Variants in PDS5B observed in about 807,000 individuals in gnomAD.
PDS5B encodes the protein PDS5 cohesin associated factor B.
Under a neutral mutation model 184.1 loss-of-function variants are expected in PDS5B, and 51 were observed. The observed-to-expected ratio is 0.28, with a 90% CI of 0.22 to 0.35. The LOEUF (loss-of-function observed/expected upper bound fraction) is 0.35, where lower values mean the gene tolerates loss of function less well. Among genes scored for constraint, PDS5B ranks in the 10% least tolerant of loss-of-function variants. PDS5B has a pLI of 1.00. For synonymous variants in PDS5B, 566 were observed against 569.2 expected, an observed-to-expected ratio of 0.99 and a Z score of 0.08; for missense variants, 1,180 against 1,723.3, an observed-to-expected ratio of 0.68 and a Z score of 5.58.
intron 10 of PDS5B, among the ~76,000 whole-genome samples, chr13:32,679,909 G>C (rs10467357): frequency 5.0e-4 from 75 of 149,502 alleles, no homozygotes; most frequent in Non-Finnish European, 6.8e-4. Flanking sequence ...GTGTGTGTGT[G>C]TGTGTGTCTG....
intron 23 of PDS5B, among the ~76,000 whole-genome samples, chr13:32,744,295 G>A (rs1402439053): frequency 3.9e-5 from 6 of 152,132 alleles, no homozygotes; most frequent in Non-Finnish European, 7.4e-5. Context: ...TGTCACTTAT[G>A]CTGTGTTTTG....
chr13:32,646,369 G>GGTTTTTT (rs1950226195), intron 1 of PDS5B, among the ~76,000 whole-genome samples: 2 of 106,070 alleles, frequency 1.9e-5, no homozygotes, highest in African/African-American at 7.8e-5. Context: ...TCATGGCTGT[G>GGTTTTTT]TTTTTTTTTT....
At chr13:32,695,058 G>C (rs549802818) in intron 14 of PDS5B, among the ~76,000 whole-genome samples, 16 of 151,854 alleles carry the variant, frequency 1.1e-4, no homozygotes, top group African/African-American at 3.6e-4. Flanking sequence ...CATCTAAGGG[G>C]TGAAAACTTT....
intron 6 of PDS5B, among the ~76,000 whole-genome samples, chr13:32,663,310 C>A (rs1289688713): frequency 6.6e-6 from 1 of 150,682 alleles, no homozygotes; most frequent in Non-Finnish European, 1.5e-5. Flanking sequence ...CCTAGGGAAA[C>A]CAGGTGCAAA....
At chr13:32,716,431 C>T (rs1952416130) in intron 19 of PDS5B, among the ~76,000 whole-genome samples, 1 of 151,416 alleles carries the variant, frequency 6.6e-6, no homozygotes, top group Non-Finnish European at 1.5e-5. Context: ...CTGGCAACCG[C>T]CCCATCTGAG....
intron 14 of PDS5B, among the ~76,000 whole-genome samples, chr13:32,695,422 C>G (rs1951672933): frequency 6.6e-6 from 1 of 151,888 alleles, no homozygotes; most frequent in Non-Finnish European, 1.5e-5. Flanking sequence ...AGCCAATAAG[C>G]ATGTTTCAGT....
At chr13:32,735,988 A>C (rs1445057961) in intron 21 of PDS5B, among the ~76,000 whole-genome samples, 1 of 151,950 alleles carries the variant, frequency 6.6e-6, no homozygotes. Flanking sequence ...TCATTTTACC[A>C]GTCTGTTTTA....
At chr13:32,748,636 A>G (rs530917246) in intron 24 of PDS5B, among the ~76,000 whole-genome samples, 1 of 152,164 alleles carries the variant, frequency 6.6e-6, no homozygotes, top group Admixed American at 6.5e-5. Context: ...CAGAAATTTT[A>G]TACTTTTATG....
intron 20 of PDS5B, 130 bp downstream of exon 20, chr13:32,732,354 A>G (rs997660468): frequency 3.1e-6 from 2 of 652,170 alleles, no homozygotes; most frequent in Middle Eastern, 2.8e-4. Flanking sequence ...TGAATCAGTA[A>G]AATCAACATT....
intron 24 of PDS5B, among the ~76,000 whole-genome samples, chr13:32,748,385 T>C (rs768767765): frequency 1.3e-5 from 2 of 152,156 alleles, no homozygotes; most frequent in Non-Finnish European, 2.9e-5. Flanking sequence ...ATTGCTTCTT[T>C]ATTCTTAAAA....
intron 4 of PDS5B, 30 bp downstream of exon 4, chr13:32,658,355 A>G (rs1950569006): frequency 1.4e-6 from 2 of 1,413,330 alleles, no homozygotes; most frequent in East Asian, 2.3e-5. Flanking sequence ...TTGAGATGAC[A>G]TTTTAAACTG....
At chr13:32,766,985 G>T (rs1954606676) in intron 31 of PDS5B, among the ~76,000 whole-genome samples, 1 of 151,964 alleles carries the variant, frequency 6.6e-6, no homozygotes, top group African/African-American at 2.4e-5. Flanking sequence ...TCTTATCTTT[G>T]AGTAAAAACA....
At chr13:32,599,648 CTCATGCCTGTAA>C (rs1001689435) in intron 1 of PDS5B, among the ~76,000 whole-genome samples, 21 of 151,966 alleles carry the variant, frequency 1.4e-4, no homozygotes, top group African/African-American at 5.1e-4. Flanking sequence ...GGCGCGGTGA[CTCATGCCTGTAA>C]TCCCAGCACT....
At chr13:32,617,712 G>T (rs561997177) in intron 1 of PDS5B, among the ~76,000 whole-genome samples, 2 of 152,220 alleles carry the variant, frequency 1.3e-5, no homozygotes, top group South Asian at 4.1e-4. Flanking sequence ...CCTCAATGTG[G>T]TCCTAATTTG....
At chr13:32,638,891 TAAG>T (rs1025876509) in intron 1 of PDS5B, among the ~76,000 whole-genome samples, 1 of 151,810 alleles carries the variant, frequency 6.6e-6, no homozygotes, top group African/African-American at 2.4e-5. Context: ...AATTGGGTAA[TAAG>T]AGGCTGAGGG....
intron 1 of PDS5B, among the ~76,000 whole-genome samples, chr13:32,634,064 G>T (rs917621821): frequency 6.6e-6 from 1 of 152,058 alleles, no homozygotes; most frequent in Admixed American, 6.5e-5. Context: ...TTATCTTCCA[G>T]TTGTTCAGAG....
At chr13:32,723,843 TTTAG>T (rs1353695004) in intron 19 of PDS5B, among the ~76,000 whole-genome samples, 8 of 152,196 alleles carry the variant, frequency 5.3e-5, no homozygotes, top group African/African-American at 1.9e-4. Flanking sequence ...AGATTAGTGT[TTTAG>T]TTATACTAAT....
intron 1 of PDS5B, among the ~76,000 whole-genome samples, chr13:32,619,432 C>T (rs188535778): frequency 2.6e-5 from 4 of 152,050 alleles, no homozygotes; most frequent in Non-Finnish European, 5.9e-5. Flanking sequence ...TCTAAACATA[C>T]AAAAGGTACA....
chr13:32,770,820 A>G, intron 33 of PDS5B, 59 bp downstream of exon 33: 4 of 1,210,674 alleles, frequency 3.3e-6, no homozygotes, highest in Non-Finnish European at 4.8e-6. Flanking sequence ...AAGTTCCTAA[A>G]TTTGTAAACA....
Sources: gnomAD v4.1 joint callset for allele counts (sites outside exome capture counted in the v4.1 genomes callset) on GRCh38, gnomAD v4.1.1 for gene constraint, MANE v1.5 for transcripts, NCBI Gene and HGNC (gene_info 2026-07-23, HGNC 2026-07-21) for gene names.